The following VTI1A variants were observed in gnomAD, a reference collection of about 807,000 sequenced individuals.
VTI1A encodes the protein vesicle transport through interaction with t-SNAREs 1A, also known as vesicle transport through interaction with t-SNAREs homolog 1A.
A neutral mutation model predicts 34.9 loss-of-function variants in VTI1A; 22 were observed. That is an observed-to-expected ratio of 0.63 (90% CI 0.45 to 0.90). VTI1A has a LOEUF of 0.90. VTI1A is among the 40% of genes least tolerant of loss of function. The pLI is 0.00. For missense variants in VTI1A, 268 were observed against 275.6 expected (o/e 0.97, Z 0.20); for synonymous variants, 87 against 97.3 (o/e 0.89, Z 0.62).
chr10:112,648,123 G>T (rs1846875442), intron 5 of VTI1A, among the ~76,000 whole-genome samples: 2 of 152,152 alleles, frequency 1.3e-5, no homozygotes, highest in East Asian at 1.9e-4. Context: ...TTACACATCA[G>T]TTACACATCT....
intron 3 of VTI1A, among the ~76,000 whole-genome samples, chr10:112,521,417 T>A (rs1850025018): frequency 6.6e-6 from 1 of 152,072 alleles, no homozygotes; most frequent in Admixed American, 6.6e-5. Context: ...CAGCCATGTA[T>A]GCCTACTAGT....
At chr10:112,751,909 A>T (rs1306442818) in intron 7 of VTI1A, among the ~76,000 whole-genome samples, 2 of 152,212 alleles carry the variant, frequency 1.3e-5, no homozygotes, top group African/African-American at 2.4e-5. Context: ...CGGTGAATTC[A>T]CATGGTGGTG....
At chr10:112,775,543 A>T (rs79272970) in intron 7 of VTI1A, among the ~76,000 whole-genome samples, 4 of 152,110 alleles carry the variant, frequency 2.6e-5, no homozygotes, top group Admixed American at 2.0e-4. Flanking sequence ...CTGCTGCATT[A>T]CAAGTAGGAT....
chr10:112,658,859 A>G (rs185542728), intron 5 of VTI1A, among the ~76,000 whole-genome samples: 2 of 152,302 alleles, frequency 1.3e-5, no homozygotes, highest in South Asian at 2.1e-4. Context: ...TGTTTAAACA[A>G]ATTTTTCCTG....
intron 3 of VTI1A, among the ~76,000 whole-genome samples, chr10:112,478,663 A>T (rs370362639): frequency 6.6e-6 from 1 of 152,226 alleles, no homozygotes; most frequent in African/African-American, 2.4e-5. Context: ...TTAGAAATTA[A>T]TCACTCTATG....
At chr10:112,809,890 A>G (rs970124410) in intron 7 of VTI1A, among the ~76,000 whole-genome samples, 1 of 152,154 alleles carries the variant, frequency 6.6e-6, no homozygotes, top group Admixed American at 6.5e-5. Context: ...TACGAGAGGG[A>G]CATAGCCAGG....
downstream of VTI1A, among the ~76,000 whole-genome samples, chr10:112,822,783 C>T (rs910926809): frequency 2.6e-5 from 4 of 152,202 alleles, no homozygotes; most frequent in African/African-American, 9.6e-5. Flanking sequence ...TCTAAATAAT[C>T]TAGCCTTTCC....
At chr10:112,549,760 T>G (rs1851276264) in intron 5 of VTI1A, among the ~76,000 whole-genome samples, 1 of 152,200 alleles carries the variant, frequency 6.6e-6, no homozygotes, top group Non-Finnish European at 1.5e-5. Context: ...TATGAATTTT[T>G]AAAAGTCTGT....
chr10:112,789,320 G>A (rs985837895), intron 7 of VTI1A, among the ~76,000 whole-genome samples: 2 of 152,100 alleles, frequency 1.3e-5, no homozygotes, highest in African/African-American at 4.8e-5. Flanking sequence ...TAGAATTCTT[G>A]GTTGATAAGT....
At chr10:112,643,262 G>A (rs1456050881) in intron 5 of VTI1A, among the ~76,000 whole-genome samples, 1 of 149,808 alleles carries the variant, frequency 6.7e-6, no homozygotes, top group African/African-American at 2.5e-5. Flanking sequence ...GCCTCCCAAA[G>A]TGCTGGGATT....
At chr10:112,682,353 A>G (rs1848245198) in intron 7 of VTI1A, among the ~76,000 whole-genome samples, 1 of 152,154 alleles carries the variant, frequency 6.6e-6, no homozygotes, top group Non-Finnish European at 1.5e-5. Context: ...CCTGAATTAC[A>G]TGTTAAATTA....
At chr10:112,834,183 C>T in the VTI1A span, among the ~76,000 whole-genome samples, 1 of 152,136 alleles carries the variant, frequency 6.6e-6, no homozygotes, top group African/African-American at 2.4e-5. Context: ...TGAATGGAAG[C>T]CCATCACAGC....
chr10:112,845,051 G>A, the VTI1A span, among the ~76,000 whole-genome samples: 6 of 152,298 alleles, frequency 3.9e-5, no homozygotes, highest in East Asian at 5.8e-4. Context: ...CGTGTCAGCC[G>A]TAAAATATGT....
At chr10:112,618,895 GTAGAGGAAATACAT>G (rs1331808034) in intron 5 of VTI1A, among the ~76,000 whole-genome samples, 22 of 152,140 alleles carry the variant, frequency 1.4e-4, no homozygotes, top group African/African-American at 5.3e-4. Context: ...GAAGGATAGG[GTAGAGGAAATACAT>G]TGAAATTACA....
At chr10:112,510,321 T>C (rs1208191709) in intron 3 of VTI1A, among the ~76,000 whole-genome samples, 1 of 152,142 alleles carries the variant, frequency 6.6e-6, no homozygotes, top group African/African-American at 2.4e-5. Flanking sequence ...TTAGAATTGT[T>C]GTCCCAAAAA....
intron 7 of VTI1A, among the ~76,000 whole-genome samples, chr10:112,734,413 C>T (rs1175584169): frequency 6.6e-6 from 1 of 152,154 alleles, no homozygotes; most frequent in Non-Finnish European, 1.5e-5. Flanking sequence ...TCCATTCCTC[C>T]TCTATAATCC....
intron 3 of VTI1A, among the ~76,000 whole-genome samples, chr10:112,509,263 G>A (rs1031596175): frequency 3.9e-5 from 6 of 151,952 alleles, no homozygotes; most frequent in African/African-American, 1.2e-4. Flanking sequence ...CTTAATCACC[G>A]CTTAAAAGAC....
chr10:112,564,628 T>C (rs1037783119), intron 5 of VTI1A, among the ~76,000 whole-genome samples: 2 of 152,148 alleles, frequency 1.3e-5, no homozygotes, highest in Non-Finnish European at 1.5e-5. Context: ...AGAAATGGAA[T>C]GGGTGCAAAT....
intron 5 of VTI1A, among the ~76,000 whole-genome samples, chr10:112,623,770 G>T (rs949452325): frequency 1.3e-5 from 2 of 152,134 alleles, no homozygotes; most frequent in African/African-American, 2.4e-5. Flanking sequence ...AAAAAATACT[G>T]CGAGGGTTTC....
Sources: allele counts gnomAD v4.1 joint callset (sites outside exome capture counted in the v4.1 genomes callset), GRCh38; gene constraint gnomAD v4.1.1; transcripts MANE v1.5; gene names NCBI Gene and HGNC (gene_info 2026-07-23, HGNC 2026-07-21).